IGF1R: variants seen among roughly 807,000 people sequenced by gnomAD.
IGF1R encodes insulin-like growth factor 1 receptor.
IGF1R carries 44 observed loss-of-function variants against 144.6 expected under a neutral mutation model. The ratio of observed to expected loss-of-function variants is 0.30; its 90% CI spans 0.24 to 0.39. IGF1R has a LOEUF of 0.39. IGF1R is among the 10% of genes least tolerant of loss of function. IGF1R has a pLI of 1.00. For synonymous variants in IGF1R, 795 were observed against 722.8 expected, an observed-to-expected ratio of 1.10 and a Z score of -1.60; for missense variants, 1,355 against 1,833.7, an observed-to-expected ratio of 0.74 and a Z score of 4.77.
chr15:98,773,300 CT>C (rs2055635897), intron 2 of IGF1R, among the ~76,000 whole-genome samples: 1 of 152,130 alleles, frequency 6.6e-6, no homozygotes, highest in Admixed American at 6.5e-5. Flanking sequence ...AGAAGTATGG[CT>C]GCTGTTGGCC....
chr15:98,790,610 T>C (rs59502314), intron 2 of IGF1R, among the ~76,000 whole-genome samples: 2 of 152,240 alleles, frequency 1.3e-5, no homozygotes, highest in East Asian at 1.9e-4. Flanking sequence ...CATGGTCTCT[T>C]CCCACAGCAG....
chr15:98,762,238 CTTTTT>C (rs5814898), intron 2 of IGF1R, among the ~76,000 whole-genome samples: 3 of 95,832 alleles, frequency 3.1e-5, no homozygotes, highest in African/African-American at 8.2e-5. Flanking sequence ...CTTTTCTTTT[CTTTTT>C]TTTTTTTTTT....
intron 2 of IGF1R, among the ~76,000 whole-genome samples, chr15:98,854,596 G>C (rs905709906): frequency 6.6e-6 from 1 of 152,160 alleles, no homozygotes; most frequent in South Asian, 2.1e-4. Context: ...GGCCAGGTCA[G>C]CCTGTTCATT....
intron 2 of IGF1R, among the ~76,000 whole-genome samples, chr15:98,852,117 C>T (rs1011974332): frequency 6.6e-6 from 1 of 152,178 alleles, no homozygotes; most frequent in Non-Finnish European, 1.5e-5. Flanking sequence ...AAACCTAAGA[C>T]GAAGAAGAGG....
chr15:98,795,159 A>G (rs1486851877), intron 2 of IGF1R, among the ~76,000 whole-genome samples: 1 of 152,230 alleles, frequency 6.6e-6, no homozygotes, highest in Non-Finnish European at 1.5e-5. Context: ...TGTAGCAGTC[A>G]TAGATTGTTT....
At chr15:98,674,224 A>G (rs967836184) in intron 1 of IGF1R, among the ~76,000 whole-genome samples, 3 of 152,232 alleles carry the variant, frequency 2.0e-5, no homozygotes, top group African/African-American at 7.2e-5. Flanking sequence ...CCCAAAAGGC[A>G]AAAACTACAG....
At chr15:98,655,421 C>T (rs2052461639) in intron 1 of IGF1R, among the ~76,000 whole-genome samples, 1 of 152,082 alleles carries the variant, frequency 6.6e-6, no homozygotes, top group Non-Finnish European at 1.5e-5. Flanking sequence ...CTGATGCCGG[C>T]TTTACTTATG....
Position 98,957,531 on chromosome 15 carries a change from A to C in IGF1R, c.*89A>C, listed in dbSNP as rs2017054532. ...GAGAGAGTTTTAACAATCCATTCAC[A>C]AGCCTCCTGTACCTCAGTGGATCTT... On this transcript the variant is annotated 3_prime_UTR_variant, in exon 21 of 21. Transcript: ENST00000650285. 1.3e-6 allele frequency: 2 copies of C among 1,545,936 alleles called. No individual in the cohort carries two copies. Among genetic ancestry groups the C allele is most frequent in the African/African-American group, 2.7e-5 (2 of 73,766 alleles).
intron 1 of IGF1R, among the ~76,000 whole-genome samples, chr15:98,677,440 G>A (rs751144880): frequency 2.0e-5 from 3 of 152,088 alleles, no homozygotes; most frequent in East Asian, 1.9e-4. Context: ...TACATAATAC[G>A]TCTTTACTTA....
intron 2 of IGF1R, among the ~76,000 whole-genome samples, chr15:98,850,990 TAC>T (rs1285767003): frequency 6.6e-6 from 1 of 152,006 alleles, no homozygotes; most frequent in Non-Finnish European, 1.5e-5. Flanking sequence ...AGAGTCGGAG[TAC>T]AGTGTTGAAA....
rs1250514273 is a variant in IGF1R, at chr15:98,963,170, CACTT to C, written c.*5729_*5732del. The C allele has an allele frequency of 4.4e-6, 1 of 228,240 alleles. No individual in the cohort carries two copies. The highest frequency in any genetic ancestry group is 5.8e-5 in the Admixed American group (1 of 17,306). 14.1% of individuals were successfully genotyped at this position (228,240 alleles called of 1,614,324 possible). A position where few individuals can be genotyped will look rare whatever the true frequency, so the allele number is the denominator to read the frequency against. Reference sequence around the variant, plus strand: ...ATAATTGCCGAAAATAATTTAAAGACACTTTTTTTTTCTCTGTGTGTGCAAATGT... The same window carrying C: ...ATAATTGCCGAAAATAATTTAAAGACTTTTTTTCTCTGTGTGTGCAAATGT... On this transcript the variant is annotated 3_prime_UTR_variant, in exon 21 of 21. Coordinates refer to ENST00000650285, the MANE Select transcript of IGF1R (RefSeq NM_000875.5).
rs545056838 is a variant in IGF1R, at chr15:98,692,827, A to G, written c.95-14735A>G. ...ACATTGGTAAGAGCTGCTTGATGGTATGGGGACATCAGTAGGGAGGATATA... is the reference window on the plus strand; with the variant it reads ...ACATTGGTAAGAGCTGCTTGATGGTGTGGGGACATCAGTAGGGAGGATATA... On this transcript the variant is annotated intron_variant, in intron 1 of 20. Transcript: ENST00000650285. Among the ~76,000 whole-genome samples the G allele has an allele frequency of 3.3e-5, 5 of 152,216 alleles. No homozygotes were observed. The East Asian group carries it at 9.7e-4, about 29-fold the overall frequency.
chr15:98,670,931 A>G (rs2052873590), intron 1 of IGF1R, among the ~76,000 whole-genome samples: 2 of 152,210 alleles, frequency 1.3e-5, no homozygotes, highest in African/African-American at 4.8e-5. Context: ...CACAAGCTCC[A>G]GTAGCTTCCT....
chr15:98,947,086 CTGA>C (rs987055247), intron 19 of IGF1R, among the ~76,000 whole-genome samples: 1 of 152,202 alleles, frequency 6.6e-6, no homozygotes. Flanking sequence ...CCGCACAAAG[CTGA>C]TGGAGAGCCC....
At chr15:98,795,574 CT>C (rs2056223064) in intron 2 of IGF1R, among the ~76,000 whole-genome samples, 1 of 152,066 alleles carries the variant, frequency 6.6e-6, no homozygotes, top group African/African-American at 2.4e-5. Flanking sequence ...GCAACCACCC[CT>C]GGTTAATTTT....
chr15:98,926,481 A>T (rs573713900), intron 13 of IGF1R, among the ~76,000 whole-genome samples: 10 of 152,334 alleles, frequency 6.6e-5, no homozygotes, highest in African/African-American at 2.2e-4. Flanking sequence ...AAAAAATGTG[A>T]TGTAATACAT....
In IGF1R at chr15:98,650,729, G is replaced by A. The variant is rs2052340468; in HGVS notation, c.94+1054G>A. On this transcript the variant is annotated intron_variant, in intron 1 of 20. Coordinates refer to ENST00000650285, the MANE Select transcript of IGF1R (RefSeq NM_000875.5). ...GCGGGGAGGGTGTTGTGTTTTGCGAGCGCGGAGCCCTGGCCTTGGTTTTGT... is the reference window on the plus strand; with the variant it reads ...GCGGGGAGGGTGTTGTGTTTTGCGAACGCGGAGCCCTGGCCTTGGTTTTGT... Among the ~76,000 whole-genome samples the A allele has an allele frequency of 1.3e-5, 2 of 152,234 alleles. 1 individual carries two copies. The highest frequency in any genetic ancestry group is 1.3e-4 in the Admixed American group (2 of 15,294).
At chr15:98,772,800 G>GT (rs75232877) in intron 2 of IGF1R, among the ~76,000 whole-genome samples, 8,257 of 151,562 alleles carry the variant, frequency 0.054, 275 homozygotes, top group East Asian at 0.12. Flanking sequence ...ATGATTTGGT[G>GT]TTTTTTCCAG....
intron 1 of IGF1R, among the ~76,000 whole-genome samples, chr15:98,695,429 A>G (rs939614680): frequency 6.6e-6 from 1 of 152,174 alleles, no homozygotes; most frequent in African/African-American, 2.4e-5. Flanking sequence ...TGGCTGTAGC[A>G]TCCTTGTCAG....
Sources: gnomAD v4.1 joint callset for allele counts (sites outside exome capture counted in the v4.1 genomes callset) on GRCh38, gnomAD v4.1.1 for gene constraint, MANE v1.5 for transcripts, NCBI Gene and HGNC (gene_info 2026-07-23, HGNC 2026-07-21) for gene names.